The following ELFN2 variants were observed in gnomAD, a reference collection of about 807,000 sequenced individuals.
ELFN2 encodes protein phosphatase 1 regulatory subunit 29.
A neutral mutation model predicts 45.5 loss-of-function variants in ELFN2; 17 were observed. That is an observed-to-expected ratio of 0.37 (90% confidence interval 0.26 to 0.56). The LOEUF (loss-of-function observed/expected upper bound fraction) is 0.56, where lower values mean the gene tolerates loss of function less well. Among genes scored for constraint, ELFN2 ranks in the 20% least tolerant of loss-of-function variants. The pLI, the probability that ELFN2 is intolerant of heterozygous loss-of-function variation, is 0.77. For missense variants in ELFN2, 922 were observed against 1,183.2 expected (o/e 0.78, Z 3.24); for synonymous variants, 550 against 551.5 (o/e 1.00, Z 0.04).
chr22:37,375,396 C>T lies in ELFN2; in HGVS notation c.139G>A (p.Glu47Lys), dbSNP rs900874651. 7.4e-6 allele frequency: 12 copies of T among 1,614,148 alleles called. No individual in the cohort carries two copies. The highest frequency in any genetic ancestry group is 9.3e-6 in the Non-Finnish European group (11 of 1,180,018). Residue 47 changes from glutamate (E) to lysine (K), a missense_variant, in exon 3 of 3, where the codon GAG becomes AAG. Coordinates refer to ENST00000402918, the MANE Select transcript of ELFN2 (RefSeq NM_052906.5). ...CTATTGATGTGCTGCGGGATGGTCT[C>T]GTAGGGCGGCTGGTTCTGGCTGCAG... ...AICSQNQPPY[E>K]TIPQHINSTV...
intron 2 of ELFN2, among the ~76,000 whole-genome samples, chr22:37,403,754 A>C (rs1932426095): frequency 6.6e-6 from 1 of 152,246 alleles, no homozygotes; most frequent in South Asian, 2.1e-4. Context: ...ACGAGGTCTC[A>C]CACAGCCAGC....
In ELFN2 at chr22:37,417,734, C is replaced by A. The variant is rs908306710; in HGVS notation, c.-463+35G>T. 1 of 152,506 alleles carries A rather than the reference C, an allele frequency of 6.6e-6. No homozygotes were observed. Among genetic ancestry groups the A allele is most frequent in the Non-Finnish European group, 1.5e-5 (1 of 68,236 alleles). 9.4% of individuals were successfully genotyped at this position (152,506 alleles called of 1,614,324 possible). A position where few individuals can be genotyped will look rare whatever the true frequency, so the allele number is the denominator to read the frequency against. On this transcript the variant is annotated intron_variant, in intron 2 of 2. Coordinates refer to ENST00000402918, the MANE Select transcript of ELFN2 (RefSeq NM_052906.5). The surrounding 1 kb of genome is among the most constrained non-coding windows in gnomAD (Gnocchi z 4.5). ...TCATGTGAGCTATGCTCACAGACAG[C>A]GACACACACACAGGCAAAAGGACCC...
intron 2 of ELFN2, among the ~76,000 whole-genome samples, chr22:37,405,538 C>T (rs73412288): frequency 0.019 from 2,944 of 152,182 alleles, 100 homozygotes; most frequent in African/African-American, 0.068. Context: ...TTCATCACTG[C>T]TGTCATTACA....
intron 2 of ELFN2, among the ~76,000 whole-genome samples, chr22:37,413,644 T>C (rs949975233): frequency 1.3e-5 from 2 of 151,052 alleles, no homozygotes; most frequent in Admixed American, 6.6e-5. Flanking sequence ...AGCCTGCAAA[T>C]CTAAGCTCAA....
At chr22:37,353,341 G>A (rs1930869390) in intron 1 of ELFN2, 1 of 150,966 alleles carries the variant, frequency 6.6e-6, no homozygotes, top group South Asian at 2.1e-4. Context: ...CATTCACGCT[G>A]CAAAGATTCA....
chr22:37,408,297 A>T (rs1932560033), intron 2 of ELFN2, among the ~76,000 whole-genome samples: 1 of 152,188 alleles, frequency 6.6e-6, no homozygotes, highest in South Asian at 2.1e-4. Flanking sequence ...CAATCACGGG[A>T]TCTGCGGCCC....
chr22:37,349,694 C>T (rs117727992), intron 1 of ELFN2, among the ~76,000 whole-genome samples: 7,138 of 151,108 alleles, frequency 0.047, 508 homozygotes, highest in Middle Eastern at 0.13. Flanking sequence ...TCAGCCCACA[C>T]CGTGGTTTAC....
chr22:37,376,012 G>A lies in ELFN2; in HGVS notation c.-462-16C>T, dbSNP rs968315473. 11 of 181,952 alleles carry A rather than the reference G, an allele frequency of 6.0e-5. No homozygotes were observed. The highest frequency in any genetic ancestry group is 1.3e-4 in the Non-Finnish European group (11 of 87,752). 11.3% of individuals were successfully genotyped at this position (181,952 alleles called of 1,614,324 possible). On this transcript the variant is annotated splice_polypyrimidine_tract_variant and intron_variant, in intron 2 of 2. Transcript: ENST00000402918. ...CACCTGGTTCCTGAAAGGCAGCATC[G>A]AGAGCGGGTGACAGATCAGTGTGAG...
exon 2 of ELFN2, chr22:37,342,703 C>A (rs968846467): frequency 6.6e-6 from 1 of 151,732 alleles, no homozygotes; most frequent in African/African-American, 2.4e-5. Context: ...GAATTTGTCA[C>A]CTGCACAAAG....
rs1931547331 is a variant in ELFN2, at chr22:37,375,391, G to A, written c.144C>T (p.Thr48=). ...CGGTGCTATTGATGTGCTGCGGGAT[G>A]GTCTCGTAGGGCGGCTGGTTCTGGC... The part of the protein sequence containing the change: ...ICSQNQPPYE[T]IPQHINSTVH... The change falls in exon 3 of 3, where the codon ACC becomes ACT. Residue 48 remains threonine (T), a synonymous_variant. Coordinates refer to ENST00000402918, the MANE Select transcript of ELFN2 (RefSeq NM_052906.5). 6.2e-7 allele frequency: 1 copy of A among 1,614,094 alleles called. No individual in the cohort carries two copies. Among genetic ancestry groups the A allele is most frequent in the African/African-American group, 1.3e-5 (1 of 74,938 alleles).
intron 1 of ELFN2, among the ~76,000 whole-genome samples, chr22:37,352,809 T>G (rs2145614978): frequency 6.6e-6 from 1 of 150,944 alleles, no homozygotes; most frequent in Non-Finnish European, 1.5e-5. Context: ...GCATTCTAAA[T>G]GCAAGAAGTA....
In ELFN2 at chr22:37,375,268, G is replaced by A. The variant is rs769973037; in HGVS notation, c.267C>T (p.Asn89=). ...CACCGTCCTCGATGTAGGAGATCTC[G>A]TTCTTGGTGAGGTTGAGGTCGGTGA... ...GNLTDLNLTK[N]EISYIEDGAF... is the part of the protein sequence containing the mutation. Residue 89 remains asparagine (N), a synonymous_variant, in exon 3 of 3, where the codon AAC becomes AAT. Coordinates refer to ENST00000402918, the MANE Select transcript of ELFN2 (RefSeq NM_052906.5). The A allele has an allele frequency of 5.0e-6, 8 of 1,614,164 alleles. No individual in the cohort carries two copies. The highest frequency in any genetic ancestry group is 2.2e-5 in the East Asian group (1 of 44,878).
rs1254382750 is a variant in ELFN2 at position 37,374,901 on chromosome 22, G to A, written c.634C>T (p.Arg212Cys). The A allele has an allele frequency of 4.3e-6, 7 of 1,611,884 alleles. No individual in the cohort carries two copies. Among genetic ancestry groups the A allele is most frequent in the East Asian group, 2.2e-5 (1 of 44,886 alleles). ...TCCCGCGGCGACTCACACTGCAGGC[G>A]GTCGTAGTTCTTGGTGACGTTGTTG... ...VFNNVTKNYD[R>C]LQCESPREFA... is the part of the protein sequence containing the mutation. Residue 212 changes from arginine to cysteine, a missense_variant, in exon 3 of 3, where the codon CGC becomes TGC. Transcript: ENST00000402918.
Position 37,373,768 on chromosome 22 carries a change from TGAG to T in ELFN2, c.1764_1766del (p.Ser589del), listed in dbSNP as rs759220443. On this transcript the variant is annotated inframe_deletion, in exon 3 of 3. Transcript: ENST00000402918. ...GCTCCAGGGCCCCGGGGCCAGTGGC[TGAG>T]GAGGCGGCAGCAGCTGCAGGGAGGG... 5 of 1,584,664 alleles carry T rather than the reference TGAG, an allele frequency of 3.2e-6. No homozygotes were observed. Among genetic ancestry groups the T allele is most frequent in the Non-Finnish European group, 4.3e-6 (5 of 1,171,082 alleles).
At chr22:37,366,269 G>A (rs1347792676), downstream of ELFN2, among the ~76,000 whole-genome samples, 1 of 152,210 alleles carries the variant, frequency 6.6e-6, no homozygotes, top group Non-Finnish European at 1.5e-5. Flanking sequence ...AGGCAAGGGT[G>A]TTTGCATTTG....
chr22:37,416,239 G>A (rs895188082), intron 2 of ELFN2, among the ~76,000 whole-genome samples: 1 of 152,164 alleles, frequency 6.6e-6, no homozygotes, highest in African/African-American at 2.4e-5. Flanking sequence ...CTGGGGACTG[G>A]GGGGAGAGAG....
chr22:37,427,170 C>G (rs1035410287), intron 1 of ELFN2, 128 bp downstream of exon 1: 1 of 152,174 alleles, frequency 6.6e-6, no homozygotes, highest in Admixed American at 6.5e-5. Flanking sequence ...CGTCTCATCC[C>G]CCCTTCCGTG....
At chr22:37,384,672 C>A (rs1293565377) in intron 2 of ELFN2, among the ~76,000 whole-genome samples, 1 of 14,110 alleles carries the variant, frequency 7.1e-5, no homozygotes, top group Non-Finnish European at 1.4e-4. Context: ...CCTGACCCCG[C>A]TTCCCACTCC....
intron 1 of ELFN2, among the ~76,000 whole-genome samples, chr22:37,361,437 A>T (rs780784108): frequency 6.3e-4 from 91 of 144,242 alleles, no homozygotes; most frequent in Non-Finnish European, 2.9e-4. Context: ...TCCTGGGCCC[A>T]AGTGACGCCA....
Sources: gnomAD v4.1 joint callset for allele counts (sites outside exome capture counted in the v4.1 genomes callset) on GRCh38, gnomAD v4.1.1 for gene constraint, Gnocchi (gnomAD v3.1) non-coding constraint, MANE v1.5 for transcripts, NCBI Gene and HGNC (gene_info 2026-07-23, HGNC 2026-07-21) for gene names.